Variants in TRPM2 observed in about 807,000 individuals in gnomAD.
TRPM2 encodes estrogen-responsive element-associated gene 1 protein.
A neutral mutation model predicts 174.0 loss-of-function variants in TRPM2; 161 were observed. The ratio of observed to expected loss-of-function variants is 0.93; its 90% confidence interval spans 0.81 to 1.05. The LOEUF (loss-of-function observed/expected upper bound fraction) is 1.05, where lower values mean the gene tolerates loss of function less well. Among genes scored for constraint, TRPM2 ranks in the 50% least tolerant of loss-of-function variants. The pLI is 0.00. For missense variants in TRPM2, 2,057 were observed against 2,038.0 expected, an observed-to-expected ratio of 1.01 and a Z score of -0.18; for synonymous variants, 954 against 861.3, an observed-to-expected ratio of 1.11 and a Z score of -1.88.
At chr21:44,386,146 G>A (rs1336348192) in intron 9 of TRPM2, among the ~76,000 whole-genome samples, 1 of 152,178 alleles carries the variant, frequency 6.6e-6, no homozygotes, top group East Asian at 1.9e-4. Context: ...AGCACTTTGG[G>A]AGGCGGAGGT....
chr21:44,417,341 G>T (rs2847234), intron 20 of TRPM2, among the ~76,000 whole-genome samples: 27,932 of 67,092 alleles, frequency 0.42, 8,254 homozygotes, highest in East Asian at 0.6. Context: ...CATCACAGTG[G>T]GCACGTGGGC....
rs982564391 is a variant in TRPM2, at chr21:44,391,549, C to T, written c.1718C>T (p.Thr573Met). ...QVLRELLGDFTQPLYPRPRHN... is the reference protein window; with the variant it reads ...QVLRELLGDFMQPLYPRPRHN... ...CTGCGGGAGCTGCTGGGGGACTTCA[C>T]GCAGCCGCTTTATCCCCGGCCCCGG... The change falls in exon 11 of 32, where the codon ACG becomes ATG. Residue 573 changes from threonine to methionine, a missense_variant. Transcript: ENST00000397928. The surrounding 1 kb of genome is among the most constrained non-coding windows in gnomAD (Gnocchi z 5.0). The T allele has an allele frequency of 1.2e-6, 2 of 1,600,432 alleles. No homozygotes were observed. The highest frequency in any genetic ancestry group is 1.7e-5 in the Admixed American group (1 of 59,838).
At chr21:44,422,394 CAAGG>C (rs2050583147) in intron 22 of TRPM2, 1 of 1,535,994 alleles carries the variant, frequency 6.5e-7, no homozygotes, top group African/African-American at 1.4e-5. Context: ...CGCATGTTTG[CAAGG>C]CTGTCTGGGA....
intron 16 of TRPM2, among the ~76,000 whole-genome samples, chr21:44,402,524 C>T (rs897303506): frequency 5.3e-5 from 8 of 152,128 alleles, no homozygotes; most frequent in African/African-American, 7.2e-5. Context: ...GTCACAGAGG[C>T]GAGGCTGACA....
rs149142362 is a variant in TRPM2 at position 44,392,291 on chromosome 21, T to C, written c.1794+666T>C. Among the ~76,000 whole-genome samples the C allele has an allele frequency of 2.3e-3, 345 of 151,998 alleles. 2 individuals are homozygous for C. The highest frequency in any genetic ancestry group is 0.01 in the Middle Eastern group (3 of 294). On this transcript the variant is annotated intron_variant, in intron 11 of 31. Coordinates refer to ENST00000397928, the MANE Select transcript of TRPM2 (RefSeq NM_003307.4). The stretch of plus-strand genomic sequence containing the variant: ...TTTTATGTTTGAGACAGGGTCTGGC[T>C]CTGTGACCCAGGCTGGAGTGCAGTG...
chr21:44,365,483 T>C (rs1414559708), intron 3 of TRPM2, among the ~76,000 whole-genome samples: 1 of 152,056 alleles, frequency 6.6e-6, no homozygotes, highest in African/African-American at 2.4e-5. Flanking sequence ...GACACGTGGG[T>C]GTTCTCCAGG....
intron 19 of TRPM2, among the ~76,000 whole-genome samples, chr21:44,407,899 T>A (rs761238122): frequency 2.4e-4 from 36 of 151,600 alleles, no homozygotes; most frequent in Admixed American, 2.2e-3. Context: ...TTTAATTTTT[T>A]AATTAAAAAA....
At chr21:44,353,384 C>T, upstream of TRPM2, 1 of 231,366 alleles carries the variant, frequency 4.3e-6, no homozygotes, top group Non-Finnish European at 8.4e-6. Context: ...CCTGCAGTCA[C>T]CTGAGGTTGT....
chr21:44,426,903 C>T, intron 26 of TRPM2, 107 bp from the exon 27 acceptor site: 1 of 1,358,278 alleles, frequency 7.4e-7, no homozygotes, highest in Non-Finnish European at 1.0e-6. Context: ...TACACCCAGC[C>T]TGCAGCTACT....
At position 44,366,973 on chromosome 21, in the gene TRPM2, T is replaced by TG; in HGVS notation, c.604+43dup. ...TGGAGGGACACGAGGCCCCGGCGGGTGGGGTGGGCTGTGGAGGCAGTGCTG... is the reference window on the plus strand; with the variant it reads ...TGGAGGGACACGAGGCCCCGGCGGGTGGGGGTGGGCTGTGGAGGCAGTGCTG... On this transcript the variant is annotated intron_variant, in intron 4 of 31. Coordinates refer to ENST00000397928, the MANE Select transcript of TRPM2 (RefSeq NM_003307.4). The surrounding 1 kb of genome is among the most constrained non-coding windows in gnomAD (Gnocchi z 6.0). 6.5e-7 allele frequency: 1 copy of TG among 1,536,718 alleles called. No homozygotes were observed. The highest frequency in any genetic ancestry group is 1.3e-5 in the South Asian group (1 of 79,790).
chr21:44,407,455 T>TG (rs1443273020), intron 19 of TRPM2, among the ~76,000 whole-genome samples: 3 of 141,404 alleles, frequency 2.1e-5, no homozygotes, highest in African/African-American at 7.8e-5. Context: ...AGAAGGTTTT[T>TG]TTTTTTTTTT....
At chr21:44,427,195 A>C (rs550597107) in intron 27 of TRPM2, 84 bp downstream of exon 27, 1 of 1,187,652 alleles carries the variant, frequency 8.4e-7, no homozygotes, top group South Asian at 1.5e-5. Context: ...CAAAGGAAGC[A>C]TTTTTCTCAT....
At chr21:44,415,022 C>G (rs1176382530) in intron 20 of TRPM2, 1 of 152,288 alleles carries the variant, frequency 6.6e-6, no homozygotes, top group African/African-American at 2.4e-5. Context: ...AGACGTGTTC[C>G]TGCTGCCCCC....
intron 27 of TRPM2, among the ~76,000 whole-genome samples, chr21:44,434,310 CTG>C (rs1305510172): frequency 2.7e-5 from 4 of 150,052 alleles, no homozygotes; most frequent in African/African-American, 9.9e-5. Context: ...GTGACGGAGA[CTG>C]TGGCGAGGAC....
chr21:44,440,678 T>C (rs2051466035), intron 30 of TRPM2, 111 bp from the exon 31 acceptor site: 5 of 903,564 alleles, frequency 5.5e-6, no homozygotes, highest in South Asian at 5.4e-5. Flanking sequence ...CGGGGTCCTG[T>C]GTGTGCTGGA....
chr21:44,426,490 C>A lies in TRPM2; in HGVS notation c.3796-170C>A, dbSNP rs2050783451. On this transcript the variant is annotated intron_variant, in intron 25 of 31. Transcript: ENST00000397928. ...GATCCCAGCCCCCGGCCCTGCCCAG[C>A]CCCCAGCTCTGCCTGGCACCCGGAT... Among the ~76,000 whole-genome samples the A allele has an allele frequency of 2.0e-5, 3 of 152,204 alleles. No homozygotes were observed. The South Asian group carries it at 6.2e-4, about 31-fold the overall frequency.
Position 44,440,827 on chromosome 21 carries a change from C to G in TRPM2, c.4308C>G (p.Asp1436Glu). The G allele has an allele frequency of 6.2e-7, 1 of 1,613,986 alleles. No homozygotes were observed. The highest frequency in any genetic ancestry group is 1.3e-5 in the African/African-American group (1 of 75,082). The stretch of plus-strand genomic sequence containing the variant: ...ACATGGATGACCCGAGGAACACGGA[C>G]AATGCCTGGATCGAGACGGTGGCCG... ...KGYMDDPRNT[D>E]NAWIETVAVS... The change falls in exon 31 of 32, where the codon GAC becomes GAG. Residue 1436 changes from aspartate to glutamate, a missense_variant. Physicochemically the swap from Asp to Glu is conservative, Grantham distance 45 (BLOSUM62 2). Coordinates refer to ENST00000397928, the MANE Select transcript of TRPM2 (RefSeq NM_003307.4).
chr21:44,365,117 CCAGCCTTCTGGAGGTTCTGAGACTT>C (rs2048323492), intron 3 of TRPM2, among the ~76,000 whole-genome samples: 1 of 151,142 alleles, frequency 6.6e-6, no homozygotes, highest in African/African-American at 2.5e-5. Context: ...TGTGTGTTGA[CCAGCCTTCTGGAGGTTCTGAGACTT>C]GCGTGTTGAC....
In TRPM2 at chr21:44,367,107, C is replaced by T. The variant is rs758518213; in HGVS notation, c.604+173C>T. Among the ~76,000 whole-genome samples, 57 of 152,282 alleles carry T rather than the reference C, an allele frequency of 3.7e-4. 1 individual carries two copies. Among genetic ancestry groups the T allele is most frequent in the Middle Eastern group, 6.8e-3 (2 of 294 alleles). ...TCACCTGGGCACAGCTGCTCCCTGACGCCCGATGCTCCCACTGGCTTGCCT... is the reference window on the plus strand; with the variant it reads ...TCACCTGGGCACAGCTGCTCCCTGATGCCCGATGCTCCCACTGGCTTGCCT... On this transcript the variant is annotated intron_variant, in intron 4 of 31. Transcript: ENST00000397928. The surrounding 1 kb of genome is among the most constrained non-coding windows in gnomAD (Gnocchi z 4.6).
Sources: gnomAD v4.1 joint callset for allele counts (sites outside exome capture counted in the v4.1 genomes callset) on GRCh38, gnomAD v4.1.1 for gene constraint, Gnocchi (gnomAD v3.1) non-coding constraint, MANE v1.5 for transcripts, NCBI Gene and HGNC (gene_info 2026-07-23, HGNC 2026-07-21) for gene names.